Variants in ITGB8 observed in about 807,000 individuals in gnomAD.
ITGB8 encodes the protein integrin subunit beta 8, also known as integrin beta-8.
A neutral mutation model predicts 89.5 loss-of-function variants in ITGB8; 30 were observed. The ratio of observed to expected loss-of-function variants is 0.34; its 90% CI spans 0.25 to 0.45. The LOEUF is 0.45. Ranked by LOEUF, ITGB8 falls within the 20% of genes least tolerant of loss-of-function variation. The pLI, the probability that ITGB8 is intolerant of heterozygous loss-of-function variation, is 1.00. For missense variants in ITGB8, 836 were observed against 933.3 expected (o/e 0.90, Z 1.36); for synonymous variants, 335 against 320.4 (o/e 1.05, Z -0.49).
At position 20,409,937 on chromosome 7, in the gene ITGB8, A is replaced by G; in HGVS notation, c.2250A>G (p.Glu750=). The G allele has an allele frequency of 6.2e-7, 1 of 1,613,746 alleles. No homozygotes were observed. Among genetic ancestry groups the G allele is most frequent in the Non-Finnish European group, 8.5e-7 (1 of 1,179,776 alleles). Residue 750 remains glutamate, a synonymous_variant, in exon 14 of 14, where the codon GAA becomes GAG. Transcript: ENST00000222573. ...RAVTYRREKP[E]EIKMDISKLN... is the part of the protein sequence containing the mutation. ...TCACCTACCGACGTGAGAAGCCTGA[A>G]GAAATAAAAATGGATATCAGCAAAT...
chr7:20,367,173 C>G lies in ITGB8; in HGVS notation c.375C>G (p.Ile125Met). The G allele has an allele frequency of 6.2e-7, 1 of 1,607,464 alleles. No homozygotes were observed. The highest frequency in any genetic ancestry group is 8.5e-7 in the Non-Finnish European group (1 of 1,176,086). Residue 125 changes from isoleucine (I) to methionine (M), a missense_variant, in exon 3 of 14, where the codon ATC (isoleucine) becomes ATG (methionine). Physicochemically the swap from Ile to Met is conservative, Grantham distance 10. Coordinates refer to ENST00000222573, the MANE Select transcript of ITGB8 (RefSeq NM_002214.3). Reference sequence around the variant, plus strand: ...AGGTGACACCAGGAGAAGTGTCTATCCAGCTGCGTCCAGGTTTGGTCATTT... The same window carrying G: ...AGGTGACACCAGGAGAAGTGTCTATGCAGCTGCGTCCAGGTTTGGTCATTT... ...NTQVTPGEVSIQLRPGAEANF... is the reference protein window; with the variant it reads ...NTQVTPGEVSMQLRPGAEANF...
intron 1 of ITGB8, among the ~76,000 whole-genome samples, chr7:20,332,353 T>C (rs564908573): frequency 6.6e-6 from 1 of 152,216 alleles, no homozygotes; most frequent in East Asian, 1.9e-4. Flanking sequence ...TGTAGATAAG[T>C]TGGTTATAAT....
rs569319135 is a variant in ITGB8 at position 20,355,334 on chromosome 7, CT to C, written c.128-8302del. Among the ~76,000 whole-genome samples the C allele has an allele frequency of 1.2e-4, 19 of 152,312 alleles. No homozygotes were observed. The South Asian group carries it at 1.7e-3, about 13-fold the overall frequency. On this transcript the variant is annotated intron_variant, in intron 1 of 13. Coordinates refer to ENST00000222573, the MANE Select transcript of ITGB8 (RefSeq NM_002214.3). ...CCAACGTATATGCTTGCTGCCATGCCTCACTGCCTGTCCCAGTAAATCACTT... is the reference window on the plus strand; with the variant it reads ...CCAACGTATATGCTTGCTGCCATGCCCACTGCCTGTCCCAGTAAATCACTT...
chr7:20,351,722 T>G (rs1785118517), intron 1 of ITGB8, among the ~76,000 whole-genome samples: 6 of 152,244 alleles, frequency 3.9e-5, no homozygotes, highest in Admixed American at 3.9e-4. Context: ...CTAAATCTCT[T>G]ACAATATAGA....
At chr7:20,354,978 T>C (rs557436132) in intron 1 of ITGB8, among the ~76,000 whole-genome samples, 52 of 152,326 alleles carry the variant, frequency 3.4e-4, no homozygotes, top group African/African-American at 1.2e-3. Flanking sequence ...GGGGAGATTA[T>C]TGTATAGACA....
At chr7:20,355,197 G>A (rs1444198435) in intron 1 of ITGB8, among the ~76,000 whole-genome samples, 1 of 152,192 alleles carries the variant, frequency 6.6e-6, no homozygotes, top group Non-Finnish European at 1.5e-5. Flanking sequence ...GCCAGTGACT[G>A]TCTGATATGG....
At chr7:20,385,293 G>A (rs116745916) in intron 6 of ITGB8, among the ~76,000 whole-genome samples, 3,050 of 152,294 alleles carry the variant, frequency 0.02, 113 homozygotes, top group African/African-American at 0.069. Context: ...TTTAAATAGC[G>A]AGATTCAAAT....
chr7:20,341,063 A>G (rs1283299085), intron 1 of ITGB8, among the ~76,000 whole-genome samples: 2 of 152,186 alleles, frequency 1.3e-5, no homozygotes. Context: ...CTTGCTGTAG[A>G]ACTGGCTGTT....
intron 8 of ITGB8, among the ~76,000 whole-genome samples, chr7:20,397,428 G>T (rs1022257923): frequency 2.0e-5 from 3 of 152,074 alleles, no homozygotes; most frequent in Admixed American, 1.3e-4. Context: ...GTTTCACCAT[G>T]TTAGCCACGC....
intron 1 of ITGB8, among the ~76,000 whole-genome samples, chr7:20,334,019 G>A (rs2128124126): frequency 6.6e-6 from 1 of 152,170 alleles, no homozygotes; most frequent in South Asian, 2.1e-4. Context: ...GAATGTTGAG[G>A]GCAATAAAGC....
rs141324155 is a variant in ITGB8, at chr7:20,385,277, C to G, written c.960+3392C>G. Among the ~76,000 whole-genome samples, 273 of 152,338 alleles carry G rather than the reference C, an allele frequency of 1.8e-3. 2 individuals are homozygous for G. In the East Asian group the frequency reaches 0.029, roughly 16 times the overall value. ...GGGATTTTCAGATGTTGATGTGACT[C>G]ACAGTTTTAAATAGCGAGATTCAAA... On this transcript the variant is annotated intron_variant, in intron 6 of 13. Coordinates refer to ENST00000222573, the MANE Select transcript of ITGB8 (RefSeq NM_002214.3).
At chr7:20,337,429 C>A (rs1396042763) in intron 1 of ITGB8, among the ~76,000 whole-genome samples, 3 of 152,140 alleles carry the variant, frequency 2.0e-5, no homozygotes, top group Non-Finnish European at 4.4e-5. Flanking sequence ...AGGCACTATA[C>A]TGAGTTCTGG....
At chr7:20,346,035 C>T (rs939568395) in intron 1 of ITGB8, among the ~76,000 whole-genome samples, 1 of 152,030 alleles carries the variant, frequency 6.6e-6, no homozygotes, top group African/African-American at 2.4e-5. Context: ...ATGCCTGCAA[C>T]AATTCAGGAT....
chr7:20,370,600 T>TTTTTTATTA (rs368578359), intron 3 of ITGB8, among the ~76,000 whole-genome samples: 7 of 144,410 alleles, frequency 4.8e-5, no homozygotes, highest in African/African-American at 1.8e-4. Context: ...TATTTACTTA[T>TTTTTTATTA]TTATTATTAT....
chr7:20,339,444 G>C (rs1215377720), intron 1 of ITGB8, among the ~76,000 whole-genome samples: 2 of 152,078 alleles, frequency 1.3e-5, no homozygotes, highest in Non-Finnish European at 2.9e-5. Flanking sequence ...AAAGTGTATT[G>C]AAAGTCAGAA....
At chr7:20,358,124 C>T (rs1457709944) in intron 1 of ITGB8, among the ~76,000 whole-genome samples, 1 of 152,152 alleles carries the variant, frequency 6.6e-6, no homozygotes, top group Non-Finnish European at 1.5e-5. Context: ...TGCCACCACA[C>T]CCAGCTAATT....
chr7:20,367,766 T>C (rs1349397311), intron 3 of ITGB8, among the ~76,000 whole-genome samples: 1 of 152,184 alleles, frequency 6.6e-6, no homozygotes, highest in Non-Finnish European at 1.5e-5. Flanking sequence ...CTGAGATTAG[T>C]ATACACCTTT....
intron 3 of ITGB8, among the ~76,000 whole-genome samples, chr7:20,378,168 C>T (rs1786230704): frequency 6.6e-6 from 1 of 152,208 alleles, no homozygotes; most frequent in African/African-American, 2.4e-5. Context: ...TTAGGGGGGA[C>T]AACCCAAGTC....
chr7:20,404,541 T>C (rs1787454327), intron 10 of ITGB8, 87 bp from the exon 11 acceptor site: 2 of 1,105,134 alleles, frequency 1.8e-6, no homozygotes, highest in Non-Finnish European at 1.3e-6. Context: ...TGCGTTTCCA[T>C]GGAGATGATA....
Sources: allele counts gnomAD v4.1 joint callset (sites outside exome capture counted in the v4.1 genomes callset), GRCh38; gene constraint gnomAD v4.1.1; transcripts MANE v1.5; gene names NCBI Gene and HGNC (gene_info 2026-07-23, HGNC 2026-07-21).